The following GRM7 variants were observed in gnomAD, a reference collection of about 807,000 sequenced individuals.
The protein encoded by GRM7 is metabotropic glutamate receptor 7.
Under a neutral mutation model 84.5 loss-of-function variants are expected in GRM7, and 35 were observed. That is an observed-to-expected ratio of 0.41 (90% CI 0.32 to 0.55). The LOEUF is 0.55. Ranked by LOEUF, GRM7 falls within the 20% of genes least tolerant of loss-of-function variation. The pLI, the probability that GRM7 is intolerant of heterozygous loss-of-function variation, is 0.19. For synonymous variants in GRM7, 487 were observed against 455.1 expected, an observed-to-expected ratio of 1.07 and a Z score of -0.89; for missense variants, 1,003 against 1,194.6, an observed-to-expected ratio of 0.84 and a Z score of 2.36.
intron 3 of GRM7, among the ~76,000 whole-genome samples, chr3:7,299,952 TATA>T (rs1270654067): frequency 2.0e-5 from 3 of 151,864 alleles, no homozygotes; most frequent in African/African-American, 7.2e-5. Context: ...TGTATAAATT[TATA>T]ATGTGATAAA....
intron 2 of GRM7, among the ~76,000 whole-genome samples, chr3:7,163,990 T>C (rs1381416126): frequency 6.6e-6 from 1 of 152,214 alleles, no homozygotes; most frequent in African/African-American, 2.4e-5. Context: ...AGAGAACTTT[T>C]GTAAAGCCCC....
At chr3:6,877,826 C>T (rs975837690) in intron 1 of GRM7, among the ~76,000 whole-genome samples, 3 of 149,624 alleles carry the variant, frequency 2.0e-5, no homozygotes, top group Admixed American at 2.0e-4. Context: ...CACACACACA[C>T]ACACACACAC....
intron 4 of GRM7, among the ~76,000 whole-genome samples, chr3:7,352,178 AC>A (rs901845712): frequency 6.6e-6 from 1 of 151,836 alleles, no homozygotes; most frequent in Non-Finnish European, 1.5e-5. Context: ...ATCTGATTAG[AC>A]CTAACATATA....
chr3:7,446,620 C>T (rs1169386212), intron 5 of GRM7, among the ~76,000 whole-genome samples: 8 of 151,822 alleles, frequency 5.3e-5, no homozygotes, highest in African/African-American at 1.5e-4. Flanking sequence ...CGCCACAGCC[C>T]GGCTAATTTT....
intron 1 of GRM7, among the ~76,000 whole-genome samples, chr3:6,990,388 T>C (rs1694589679): frequency 6.6e-6 from 1 of 152,224 alleles, no homozygotes; most frequent in South Asian, 2.1e-4. Context: ...TGAATTTCTC[T>C]AAGTCTGTTA....
intron 2 of GRM7, among the ~76,000 whole-genome samples, chr3:7,218,374 T>A (rs1696684360): frequency 6.6e-6 from 1 of 152,144 alleles, no homozygotes; most frequent in Admixed American, 6.5e-5. Flanking sequence ...TAAAAATGTT[T>A]TATACATTTA....
At chr3:7,111,803 A>C (rs1692861018) in intron 1 of GRM7, among the ~76,000 whole-genome samples, 2 of 152,138 alleles carry the variant, frequency 1.3e-5, no homozygotes, top group South Asian at 4.1e-4. Flanking sequence ...ATTTCTATGT[A>C]AACTTAAGAT....
rs201357531 is a variant in GRM7, at chr3:7,076,014, G to GA, written c.520-70431dup. On this transcript the variant is annotated intron_variant, in intron 1 of 9. Coordinates refer to ENST00000357716, the MANE Select transcript of GRM7 (RefSeq NM_000844.4). ...TTATCTCATCTAGGTTTTTAGAGGGGAAAAAAAGAAAAAAACATTTTTACT... is the reference window on the plus strand; with the variant it reads ...TTATCTCATCTAGGTTTTTAGAGGGGAAAAAAAAGAAAAAAACATTTTTACT... 4.9e-3 allele frequency among the ~76,000 whole-genome samples: 747 copies of GA among 150,950 alleles called. 8 individuals are homozygous for GA. Among genetic ancestry groups the GA allele is most frequent in the African/African-American group, 0.017 (696 of 41,234 alleles).
intron 4 of GRM7, among the ~76,000 whole-genome samples, chr3:7,324,160 T>C (rs947778106): frequency 6.6e-5 from 10 of 152,118 alleles, no homozygotes; most frequent in Admixed American, 6.6e-4. Flanking sequence ...GAACTTCCAT[T>C]CTCATGTGTG....
At chr3:7,082,683 T>C (rs778447894) in intron 1 of GRM7, among the ~76,000 whole-genome samples, 13 of 152,144 alleles carry the variant, frequency 8.5e-5, no homozygotes, top group South Asian at 2.1e-4. Flanking sequence ...AAATTTATAA[T>C]TCTAGATGCC....
chr3:7,035,071 C>T (rs969261475), intron 1 of GRM7, among the ~76,000 whole-genome samples: 4 of 152,130 alleles, frequency 2.6e-5, no homozygotes, highest in Non-Finnish European at 5.9e-5. Flanking sequence ...TGGAGGTATA[C>T]ATCTTTGCAC....
intron 7 of GRM7, among the ~76,000 whole-genome samples, chr3:7,565,639 G>T (rs1005668352): frequency 6.6e-6 from 1 of 152,126 alleles, no homozygotes; most frequent in African/African-American, 2.4e-5. Flanking sequence ...TTATATGGGA[G>T]GTATGAGAGC....
intron 1 of GRM7, among the ~76,000 whole-genome samples, chr3:7,026,579 G>T (rs1052738053): frequency 6.6e-6 from 1 of 152,108 alleles, no homozygotes; most frequent in Non-Finnish European, 1.5e-5. Flanking sequence ...TGGCACCAAC[G>T]TAAAAGAAAA....
intron 7 of GRM7, among the ~76,000 whole-genome samples, chr3:7,559,613 T>G (rs990255050): frequency 5.3e-5 from 8 of 152,080 alleles, no homozygotes; most frequent in Non-Finnish European, 1.2e-4. Flanking sequence ...GAGCATTGCT[T>G]TAAGCCATCA....
chr3:7,082,702 C>T (rs749609432), intron 1 of GRM7, among the ~76,000 whole-genome samples: 5 of 152,036 alleles, frequency 3.3e-5, no homozygotes, highest in Non-Finnish European at 5.9e-5. Context: ...CCATTAAGAA[C>T]ATTCATACTT....
At chr3:6,880,581 T>C (rs905237864) in intron 1 of GRM7, among the ~76,000 whole-genome samples, 13 of 152,156 alleles carry the variant, frequency 8.5e-5, no homozygotes, top group African/African-American at 3.1e-4. Context: ...TGATTTTTTT[T>C]CCCTCTCACC....
intron 8 of GRM7, among the ~76,000 whole-genome samples, chr3:7,644,838 A>G (rs1248328240): frequency 6.6e-6 from 1 of 152,122 alleles, no homozygotes; most frequent in African/African-American, 2.4e-5. Context: ...GTCTATATAA[A>G]TTCTGCATTG....
chr3:7,290,169 G>T (rs1699573175), intron 2 of GRM7, among the ~76,000 whole-genome samples: 1 of 152,084 alleles, frequency 6.6e-6, no homozygotes, highest in Admixed American at 6.5e-5. Context: ...AAATGGCAAA[G>T]AAAGTAACTC....
chr3:7,693,895 A>G (rs1368660780), intron 9 of GRM7, among the ~76,000 whole-genome samples: 1 of 152,182 alleles, frequency 6.6e-6, no homozygotes, highest in Non-Finnish European at 1.5e-5. Context: ...ATGGCCCACT[A>G]GAATATTGTC....
Sources: gnomAD v4.1 joint callset for allele counts (sites outside exome capture counted in the v4.1 genomes callset) on GRCh38, gnomAD v4.1.1 for gene constraint, MANE v1.5 for transcripts, NCBI Gene and HGNC (gene_info 2026-07-23, HGNC 2026-07-21) for gene names.